Variants in TBL1Y observed in about 807,000 individuals in gnomAD.
TBL1Y encodes the protein F-box-like/WD repeat-containing protein TBL1Y.
Under a neutral mutation model 12.0 loss-of-function variants are expected in TBL1Y, and 15 were observed. The observed-to-expected ratio is 1.25, with a 90% CI of 0.83 to 1.92. TBL1Y has a LOEUF of 1.92. Ranked by LOEUF, TBL1Y falls within the 40% of genes most tolerant of loss-of-function variation. The pLI is 0.00. For synonymous variants in TBL1Y, 53 were observed against 42.6 expected, an observed-to-expected ratio of 1.24 and a Z score of -0.95; for missense variants, 148 against 116.7, an observed-to-expected ratio of 1.27 and a Z score of -1.24.
intron 2 of TBL1Y, chrY:6,919,253 C>G (rs2011759870): frequency 6.1e-5 from 2 of 32,989 alleles, no homozygotes; most frequent in Non-Finnish European, 1.5e-4. Context: ...AAAATTGGCT[C>G]TTTGGTTGTG....
chrY:7,062,936 C>G (rs2012892939), intron 7 of TBL1Y, among the ~76,000 whole-genome samples: 2 of 34,163 alleles, frequency 5.9e-5, no homozygotes, highest in South Asian at 1.3e-3. Flanking sequence ...ACCAGCTCCC[C>G]TGGCTTTTCT....
At chrY:6,930,011 C>T in intron 2 of TBL1Y, among the ~76,000 whole-genome samples, 1 of 32,642 alleles carries the variant, frequency 3.1e-5, no homozygotes, top group Non-Finnish European at 7.5e-5. Flanking sequence ...CCCCACAGCC[C>T]CACCCTTATA....
chrY:7,045,352 T>C, intron 7 of TBL1Y, among the ~76,000 whole-genome samples: 2 of 33,545 alleles, frequency 6.0e-5, no homozygotes, highest in Non-Finnish European at 7.4e-5. Context: ...GTACACCCTA[T>C]GTAAATGGAG....
At chrY:7,057,874 T>C in intron 7 of TBL1Y, among the ~76,000 whole-genome samples, 1 of 34,199 alleles carries the variant, frequency 2.9e-5, no homozygotes, top group East Asian at 7.7e-4. Flanking sequence ...ACAGCATCTC[T>C]AGTGTAGTTA....
intron 2 of TBL1Y, among the ~76,000 whole-genome samples, chrY:6,964,524 A>G (rs2012154083): frequency 3.0e-5 from 1 of 33,221 alleles, no homozygotes; most frequent in East Asian, 7.9e-4. Context: ...CTAGCAATTG[A>G]TCTGCATCTA....
chrY:6,924,691 T>G, intron 2 of TBL1Y, among the ~76,000 whole-genome samples: 1 of 32,555 alleles, frequency 3.1e-5, no homozygotes, highest in Non-Finnish European at 7.5e-5. Context: ...GCAAACGTAA[T>G]TCCCAGCTGC....
chrY:7,000,630 C>T (rs2012442115), intron 4 of TBL1Y, among the ~76,000 whole-genome samples: 1 of 34,227 alleles, frequency 2.9e-5, no homozygotes, highest in African/African-American at 1.1e-4. Context: ...GGCTGAGTCT[C>T]ACTCTGTCAC....
At chrY:6,948,166 T>C (rs2011996655) in intron 2 of TBL1Y, among the ~76,000 whole-genome samples, 1 of 32,866 alleles carries the variant, frequency 3.0e-5, no homozygotes, top group Non-Finnish European at 7.4e-5. Context: ...GCCAATGACA[T>C]TTGGGGTATC....
At chrY:6,958,456 A>C in intron 2 of TBL1Y, among the ~76,000 whole-genome samples, 5 of 33,239 alleles carry the variant, frequency 1.5e-4, no homozygotes, top group Admixed American at 1.4e-3. Flanking sequence ...ATGGGATAAG[A>C]GACTGAGAAA....
At chrY:6,917,223 T>A in intron 2 of TBL1Y, among the ~76,000 whole-genome samples, 1 of 34,513 alleles carries the variant, frequency 2.9e-5, no homozygotes, top group Non-Finnish European at 7.3e-5. Context: ...CATTACATTC[T>A]GATAGGAGTG....
chrY:7,055,203 T>G (rs2012819573), intron 7 of TBL1Y, among the ~76,000 whole-genome samples: 1 of 33,735 alleles, frequency 3.0e-5, no homozygotes, highest in Non-Finnish European at 7.3e-5. Context: ...GGAAATTTCC[T>G]GTCATAGCTG....
rs1052712065 is a variant in TBL1Y, at chrY:7,043,012, G to A, written c.91G>A (p.Glu31Lys). ...FSHSAFTFGI[E>K]SHISQSNING... ...TCACTCGGCTTTCACGTTTGGGATC[G>A]AGAGCCACATCAGCCAGTCCAACAT... Residue 31 changes from glutamate to lysine, a missense_variant, in exon 7 of 19, where the codon GAG becomes AAG. Physicochemically the swap from Glu to Lys is moderately conservative, Grantham distance 56. Transcript: ENST00000383032. The A allele has an allele frequency of 7.5e-6, 3 of 398,130 alleles. No individual in the cohort carries two copies. In the East Asian group the frequency reaches 2.8e-4, roughly 37 times the overall value.
At chrY:7,019,028 C>T in intron 4 of TBL1Y, among the ~76,000 whole-genome samples, 2 of 33,156 alleles carry the variant, frequency 6.0e-5, no homozygotes, top group South Asian at 7.1e-4. Context: ...TATACATGCA[C>T]GGCACACCAT....
intron 2 of TBL1Y, among the ~76,000 whole-genome samples, chrY:6,966,304 C>T: frequency 3.1e-5 from 1 of 32,727 alleles, no homozygotes; most frequent in South Asian, 7.0e-4. Context: ...ATCCACCTGC[C>T]TCGGCCTTCC....
chrY:7,018,592 G>A, intron 4 of TBL1Y, among the ~76,000 whole-genome samples: 2 of 33,069 alleles, frequency 6.0e-5, no homozygotes, highest in African/African-American at 2.4e-4. Flanking sequence ...AGTCCCAGAA[G>A]GGTAGGTGTC....
intron 2 of TBL1Y, among the ~76,000 whole-genome samples, chrY:6,965,852 C>T: frequency 6.0e-5 from 2 of 33,437 alleles, no homozygotes; most frequent in African/African-American, 1.2e-4. Flanking sequence ...AAACTCGAAG[C>T]GGGAGGGAAC....
intron 4 of TBL1Y, among the ~76,000 whole-genome samples, chrY:7,016,246 A>G: frequency 3.1e-5 from 1 of 31,888 alleles, no homozygotes; most frequent in Admixed American, 2.9e-4. Context: ...TTATCATACA[A>G]ATTTGATTCT....
chrY:6,998,123 G>T (rs2124138474), intron 4 of TBL1Y, among the ~76,000 whole-genome samples: 1 of 34,031 alleles, frequency 2.9e-5, no homozygotes, highest in Non-Finnish European at 7.3e-5. Context: ...TGATAAATAT[G>T]GCACAGGCCG....
intron 2 of TBL1Y, among the ~76,000 whole-genome samples, chrY:6,972,622 C>T: frequency 3.0e-5 from 1 of 32,942 alleles, no homozygotes. Context: ...GAGTGGATAG[C>T]AGCTGGATTC....
Sources: allele counts gnomAD v4.1 joint callset (sites outside exome capture counted in the v4.1 genomes callset), GRCh38; gene constraint gnomAD v4.1.1; transcripts MANE v1.5; gene names NCBI Gene and HGNC (gene_info 2026-07-23, HGNC 2026-07-21).